The following AKAP6 variants were observed in gnomAD, a reference collection of about 807,000 sequenced individuals.
The protein encoded by AKAP6 is A-kinase anchor protein 6.
AKAP6 carries 58 observed loss-of-function variants against 188.5 expected under a neutral mutation model. That is an observed-to-expected ratio of 0.31 (90% confidence interval 0.25 to 0.38). AKAP6 has a LOEUF of 0.38. Ranked by LOEUF, AKAP6 falls within the 10% of genes least tolerant of loss-of-function variation. AKAP6 has a pLI of 1.00. For synonymous variants in AKAP6, 989 were observed against 998.6 expected, an observed-to-expected ratio of 0.99 and a Z score of 0.18; for missense variants, 2,710 against 2,740.0, an observed-to-expected ratio of 0.99 and a Z score of 0.24.
At chr14:32,368,723 C>T (rs552273073) in intron 1 of AKAP6, among the ~76,000 whole-genome samples, 1 of 152,138 alleles carries the variant, frequency 6.6e-6, no homozygotes, top group South Asian at 2.1e-4. Context: ...CCGTGGACCC[C>T]TTACAAGCTA....
At chr14:32,476,877 A>G (rs903894574) in intron 2 of AKAP6, among the ~76,000 whole-genome samples, 6 of 152,230 alleles carry the variant, frequency 3.9e-5, no homozygotes, top group African/African-American at 1.4e-4. Context: ...CAGAGGTTAT[A>G]GGCAAAGTCA....
chr14:32,516,159 C>T (rs1169497213), intron 2 of AKAP6, among the ~76,000 whole-genome samples: 1 of 152,146 alleles, frequency 6.6e-6, no homozygotes, highest in Non-Finnish European at 1.5e-5. Context: ...GATTTTTGTC[C>T]TTTTTGCGTA....
At chr14:32,372,518 T>G (rs1474028130) in intron 1 of AKAP6, among the ~76,000 whole-genome samples, 2 of 152,030 alleles carry the variant, frequency 1.3e-5, no homozygotes, top group African/African-American at 4.8e-5. Context: ...ATATATTTTT[T>G]AACAGAGTAA....
In AKAP6 at chr14:32,465,762, C is replaced by T. The variant is rs191856583; in HGVS notation, c.324+31945C>T. 2.9e-3 allele frequency among the ~76,000 whole-genome samples: 438 copies of T among 152,132 alleles called. 6 individuals are homozygous for T. The highest frequency in any genetic ancestry group is 9.3e-3 in the African/African-American group (386 of 41,508). On this transcript the variant is annotated intron_variant, in intron 2 of 13. Transcript: ENST00000280979. ...CTAATCAAACTAAAGAGCTTCTGCA[C>T]GCAAAAGAAATTATCATCAGCATGA...
intron 1 of AKAP6, among the ~76,000 whole-genome samples, chr14:32,380,405 T>C (rs1888314848): frequency 6.6e-6 from 1 of 152,228 alleles, no homozygotes. Context: ...CATTTTATAG[T>C]TTATTTATCT....
Position 32,341,783 on chromosome 14 carries a change from A to C in AKAP6, c.-35+12375A>C, listed in dbSNP as rs1886897465. Among the ~76,000 whole-genome samples, 3 of 152,134 alleles carry C rather than the reference A, an allele frequency of 2.0e-5. No homozygotes were observed. In the South Asian group the frequency reaches 6.2e-4, roughly 32 times the overall value. ...TCAGGCCTGGCCATCATTTTAGGGA[A>C]GCTCAGGAGGGAGGATTGTTTGAGT... On this transcript the variant is annotated intron_variant, in intron 1 of 13. Coordinates refer to ENST00000280979, the MANE Select transcript of AKAP6 (RefSeq NM_004274.5).
chr14:32,832,192 C>G lies in AKAP6; in HGVS notation c.*2387C>G, dbSNP rs905852978. ...TTAGGGGGCAGCTGGAGAAAATAAG[C>G]TAAGTTTGCAATAACAGAGTACACA... On this transcript the variant is annotated 3_prime_UTR_variant, in exon 14 of 14. Coordinates refer to ENST00000280979, the MANE Select transcript of AKAP6 (RefSeq NM_004274.5). The G allele has an allele frequency of 6.6e-6, 1 of 151,890 alleles. No homozygotes were observed. The highest frequency in any genetic ancestry group is 1.5e-5 in the Non-Finnish European group (1 of 68,006). 9.4% of individuals were successfully genotyped at this position (151,890 alleles called of 1,614,324 possible).
At chr14:32,766,072 T>C (rs968164083) in intron 11 of AKAP6, among the ~76,000 whole-genome samples, 8 of 152,202 alleles carry the variant, frequency 5.3e-5, no homozygotes, top group African/African-American at 1.9e-4. Context: ...TTCTATGTAT[T>C]TGCCTATTCT....
Position 32,577,149 on chromosome 14 carries a change from T to C in AKAP6, c.2376T>C (p.Ile792=), listed in dbSNP as rs139656168. 9.9e-6 allele frequency: 16 copies of C among 1,611,638 alleles called. No homozygotes were observed. The highest frequency in any genetic ancestry group is 1.4e-5 in the Non-Finnish European group (16 of 1,179,030). The change falls in exon 5 of 14, where the codon ATT becomes ATC. Residue 792 remains isoleucine (I), a synonymous_variant. Transcript: ENST00000280979. ...TTGTAAACAAACTGGATGAATTCAT[T>C]CAATGGTTAAATGAAGCCATGGAAA... is the stretch of plus-strand genomic sequence containing the variant. ...EGFVNKLDEF[I]QWLNEAMETT...
chr14:32,492,047 T>G (rs981237671), intron 2 of AKAP6, among the ~76,000 whole-genome samples: 1 of 152,052 alleles, frequency 6.6e-6, no homozygotes, highest in Non-Finnish European at 1.5e-5. Context: ...ATCTCTTGAC[T>G]CTCTGCTCAT....
In AKAP6 at chr14:32,822,154, C is replaced by T. The variant is rs2034541571; in HGVS notation, c.4341C>T (p.Thr1447=). The T allele has an allele frequency of 6.2e-7, 1 of 1,613,806 alleles. No homozygotes were observed. The highest frequency in any genetic ancestry group is 1.1e-5 in the South Asian group (1 of 91,062). ...NGKVGDLNSI[T]KHTPDCLGEE... The stretch of plus-strand genomic sequence containing the variant: ...AAGTTGGAGATTTAAACAGTATTAC[C>T]AAACATACCCCTGACTGTTTGGGAG... The change falls in exon 13 of 14, where the codon ACC becomes ACT. Residue 1447 remains threonine (T), a synonymous_variant. Transcript: ENST00000280979.
chr14:32,626,132 G>A (rs1012403990), intron 7 of AKAP6, among the ~76,000 whole-genome samples: 4 of 152,040 alleles, frequency 2.6e-5, no homozygotes, highest in South Asian at 2.1e-4. Context: ...AGGCCTCATC[G>A]TCAAGTCAGA....
intron 12 of AKAP6, among the ~76,000 whole-genome samples, chr14:32,778,021 A>G (rs895732783): frequency 1.3e-5 from 2 of 152,234 alleles, no homozygotes; most frequent in African/African-American, 4.8e-5. Context: ...CCTGGATGAC[A>G]GTCAGACCCT....
At chr14:32,473,818 A>G (rs1045799020) in intron 2 of AKAP6, 1 of 152,266 alleles carries the variant, frequency 6.6e-6, no homozygotes, top group African/African-American at 2.4e-5. Flanking sequence ...CGTTTGGTTA[A>G]TAGTTACACT....
chr14:32,517,712 G>A (rs1205582501), intron 2 of AKAP6, among the ~76,000 whole-genome samples: 1 of 152,226 alleles, frequency 6.6e-6, no homozygotes, highest in East Asian at 1.9e-4. Context: ...CGAACTGGGT[G>A]GAGCCCACTG....
chr14:32,462,901 CAAAAAAAAAAAA>C (rs71143943), intron 2 of AKAP6, among the ~76,000 whole-genome samples: 2 of 8,822 alleles, frequency 2.3e-4, no homozygotes, highest in Non-Finnish European at 4.3e-4. Context: ...AAATGGAAAG[CAAAAAAAAAAAA>C]AAAAAAAAAA....
Position 32,492,355 on chromosome 14 carries a change from T to TATATATATATATATATAGAGAGAG in AKAP6, c.325-43198_325-43197insTATATATATATATATAGAGAGAGA. ...ACATTGTAATATATATATATATATATAGAGAGAGAGAGAGAGAGAGAGAGA... is the reference window on the plus strand; with the variant it reads ...ACATTGTAATATATATATATATATATATATATATATATATATAGAGAGAGAGAGAGAGAGAGAGAGAGAGAGAGA... On this transcript the variant is annotated intron_variant, in intron 2 of 13. Transcript: ENST00000280979. 2.6e-3 allele frequency among the ~76,000 whole-genome samples: 213 copies of TATATATATATATATATAGAGAGAG among 82,564 alleles called. 1 individual carries two copies. The highest frequency in any genetic ancestry group is 3.7e-3 in the Non-Finnish European group (140 of 37,510). 54.2% of individuals were successfully genotyped at this position (82,564 alleles called of 152,430 possible). A position where few individuals can be genotyped will look rare whatever the true frequency, so the allele number is the denominator to read the frequency against.
chr14:32,478,688 T>A (rs2138889724), intron 2 of AKAP6, among the ~76,000 whole-genome samples: 1 of 152,276 alleles, frequency 6.6e-6, no homozygotes, highest in Non-Finnish European at 1.5e-5. Flanking sequence ...AGAGAGCTCC[T>A]AGAACACATA....
chr14:32,556,543 C>G (rs1237237910), intron 4 of AKAP6, among the ~76,000 whole-genome samples: 4 of 151,982 alleles, frequency 2.6e-5, no homozygotes, highest in African/African-American at 9.7e-5. Flanking sequence ...GGGTTTTACT[C>G]TGTTGCCCAG....
Sources: gnomAD v4.1 joint callset for allele counts (sites outside exome capture counted in the v4.1 genomes callset) on GRCh38, gnomAD v4.1.1 for gene constraint, MANE v1.5 for transcripts, NCBI Gene and HGNC (gene_info 2026-07-23, HGNC 2026-07-21) for gene names.